Variants in GAB3 observed in about 807,000 individuals in gnomAD.
GAB3 encodes GRB2 associated binding protein 3.
In GAB3, 12 loss-of-function variants were observed where a neutral mutation model predicts 40.4. The observed-to-expected ratio is 0.30, with a 90% CI of 0.19 to 0.48. The LOEUF (loss-of-function observed/expected upper bound fraction) is 0.48. Ranked by LOEUF, GAB3 falls within the 20% of genes least tolerant of loss-of-function variation. The pLI, the probability that GAB3 is intolerant of heterozygous loss-of-function variation, is 0.99. For missense variants in GAB3, 381 were observed against 461.9 expected (o/e 0.82, Z 1.61); for synonymous variants, 154 against 176.7 (o/e 0.87, Z 1.02).
intron 1 of GAB3, among the ~76,000 whole-genome samples, chrX:154,728,455 C>T (rs1185653335): frequency 8.9e-6 from 1 of 112,317 alleles, no homozygotes; most frequent in Non-Finnish European, 1.9e-5. Flanking sequence ...TGTTGGTCTC[C>T]TTCTGCGCTG....
At chrX:154,741,504 CATCTCTG>C (rs782782427) in intron 1 of GAB3, among the ~76,000 whole-genome samples, 1 of 109,165 alleles carries the variant, frequency 9.2e-6, no homozygotes, top group East Asian at 2.9e-4. Flanking sequence ...GGTGAAACCC[CATCTCTG>C]CTAAAAATAC....
At chrX:154,713,727 C>T (rs1431346311) in intron 2 of GAB3, among the ~76,000 whole-genome samples, 17 of 69,938 alleles carry the variant, frequency 2.4e-4, no homozygotes, top group African/African-American at 8.7e-4. Flanking sequence ...ATTGTTTTTT[C>T]ACTCAACTAA....
At chrX:154,703,199 G>A (rs976446615) in intron 4 of GAB3, among the ~76,000 whole-genome samples, 1 of 111,832 alleles carries the variant, frequency 8.9e-6, no homozygotes, top group East Asian at 2.8e-4. Context: ...ACACATGCAC[G>A]CATATGTTCA....
chrX:154,744,271 C>T (rs1300690513), intron 1 of GAB3, among the ~76,000 whole-genome samples: 2 of 99,358 alleles, frequency 2.0e-5, no homozygotes, highest in Non-Finnish European at 4.0e-5. Context: ...CAACTCTATG[C>T]TGTATATAAG....
chrX:154,751,519 G>T, upstream of GAB3: 2 of 752,044 alleles, frequency 2.7e-6, no homozygotes, highest in Non-Finnish European at 3.1e-6. Flanking sequence ...ATAGTTCACG[G>T]AGAAACAAAA....
At chrX:154,708,193 C>T (rs2148445802) in intron 4 of GAB3, among the ~76,000 whole-genome samples, 1 of 111,396 alleles carries the variant, frequency 9.0e-6, no homozygotes, top group Admixed American at 9.5e-5. Flanking sequence ...GAACTTGGGC[C>T]CTTTTCTTAT....
chrX:154,710,042 T>G (rs1448446024), intron 4 of GAB3, among the ~76,000 whole-genome samples: 2 of 111,232 alleles, frequency 1.8e-5, no homozygotes, highest in East Asian at 5.6e-4. Context: ...ATGGATGTGT[T>G]AATTAGTTTG....
At chrX:154,707,286 T>C (rs1557253893) in intron 4 of GAB3, among the ~76,000 whole-genome samples, 1 of 111,711 alleles carries the variant, frequency 9.0e-6, no homozygotes, top group African/African-American at 3.3e-5. Context: ...AGTTTAGCAC[T>C]AAAAAAATTA....
Position 154,716,348 on chromosome X carries a change from A to G in GAB3, c.73-19T>C. 1.7e-6 allele frequency: 2 copies of G among 1,188,120 alleles called. No homozygotes were observed. Among genetic ancestry groups the G allele is most frequent in the East Asian group, 3.0e-5 (1 of 33,695 alleles). ...GCCAGGCCTGCAGAAAGGCAATTCA[A>G]TAAGGAGTTACTGGACCAATTTCTC... is the stretch of plus-strand genomic sequence containing the variant. On this transcript the variant is annotated intron_variant, in intron 1 of 9. Transcript: ENST00000424127.
chrX:154,701,835 A>G (rs2070743486), intron 4 of GAB3, among the ~76,000 whole-genome samples: 1 of 111,855 alleles, frequency 8.9e-6, no homozygotes, highest in Admixed American at 9.5e-5. Flanking sequence ...AATGAAAACT[A>G]TGAGACAATA....
chrX:154,679,926 C>T (rs1021381387), intron 9 of GAB3, among the ~76,000 whole-genome samples: 1 of 112,172 alleles, frequency 8.9e-6, no homozygotes. Context: ...TTTATACATA[C>T]ACACACAAAG....
chrX:154,713,485 T>G, intron 2 of GAB3, 59 bp from the exon 3 acceptor site: 1 of 979,372 alleles, frequency 1.0e-6, no homozygotes, highest in South Asian at 2.0e-5. Context: ...CACTCAAAAT[T>G]TCTCCAACAG....
chrX:154,699,775 C>G (rs1557251750), intron 5 of GAB3, among the ~76,000 whole-genome samples: 1 of 111,607 alleles, frequency 9.0e-6, no homozygotes, highest in Admixed American at 9.5e-5. Context: ...TAAAGTGATG[C>G]CTTAAGTAGC....
chrX:154,746,628 A>G (rs1171783390), intron 1 of GAB3, among the ~76,000 whole-genome samples: 1 of 112,521 alleles, frequency 8.9e-6, no homozygotes, highest in Non-Finnish European at 1.9e-5. Context: ...TAAAAGGTGA[A>G]AAATGGAATG....
chrX:154,737,666 C>T (rs2148485857), intron 1 of GAB3, among the ~76,000 whole-genome samples: 1 of 112,138 alleles, frequency 8.9e-6, no homozygotes, highest in South Asian at 3.7e-4. Context: ...CTCTTGCTCA[C>T]AGTGTTTGTA....
intron 1 of GAB3, among the ~76,000 whole-genome samples, chrX:154,740,203 G>A (rs1557261043): frequency 8.9e-6 from 1 of 111,951 alleles, no homozygotes; most frequent in African/African-American, 3.3e-5. Flanking sequence ...ACAGCAGCAT[G>A]AGACTGGAAA....
intron 8 of GAB3, among the ~76,000 whole-genome samples, chrX:154,689,762 A>G (rs1247583393): frequency 9.2e-6 from 1 of 108,910 alleles, no homozygotes; most frequent in Non-Finnish European, 1.9e-5. Context: ...CAAGGAAATA[A>G]AAGAGGATAC....
chrX:154,681,155 C>T (rs1418052811), intron 8 of GAB3, among the ~76,000 whole-genome samples: 2 of 112,128 alleles, frequency 1.8e-5, no homozygotes, highest in Non-Finnish European at 3.8e-5. Context: ...GTATCTTCAA[C>T]TTTACTAAAT....
intron 8 of GAB3, among the ~76,000 whole-genome samples, chrX:154,694,087 A>C (rs2070613714): frequency 8.9e-6 from 1 of 111,904 alleles, no homozygotes; most frequent in Non-Finnish European, 1.9e-5. Context: ...GTCAAATCAT[A>C]CTAGGTTTGA....
Sources: allele counts gnomAD v4.1 joint callset (sites outside exome capture counted in the v4.1 genomes callset), GRCh38; gene constraint gnomAD v4.1.1; transcripts MANE v1.5; gene names NCBI Gene and HGNC (gene_info 2026-07-23, HGNC 2026-07-21).